EPHA8: variants seen among roughly 807,000 people sequenced by gnomAD.
The protein encoded by EPHA8 is ephrin type-A receptor 8.
Under a neutral mutation model 103.6 loss-of-function variants are expected in EPHA8, and 58 were observed. The ratio of observed to expected loss-of-function variants is 0.56; its 90% CI spans 0.45 to 0.70. The LOEUF is 0.70. Among genes scored for constraint, EPHA8 ranks in the 30% least tolerant of loss-of-function variants. The probability of loss-of-function intolerance (pLI) is 0.00; values close to 1 mark genes in which losing one functional copy is unlikely to be tolerated. For missense variants in EPHA8, 1,304 were observed against 1,395.2 expected, an observed-to-expected ratio of 0.93 and a Z score of 1.04; for synonymous variants, 559 against 572.5, an observed-to-expected ratio of 0.98 and a Z score of 0.34.
rs72875422 is a variant in EPHA8 at position 22,576,983 on chromosome 1, A to G, written c.823+103A>G. 0.1 allele frequency: 135,203 copies of G among 1,321,002 alleles called. 7,157 individuals are homozygous for G. Among genetic ancestry groups the G allele is most frequent in the South Asian group, 0.18 (11,990 of 66,522 alleles). 81.8% of individuals were successfully genotyped at this position (1,321,002 alleles called of 1,614,324 possible). ...GGACGTCAGAGCCCACAGGCACCTG[A>G]GTGACCCACACAGCCCCTGGGAAGA... On this transcript the variant is annotated intron_variant, in intron 3 of 16. Coordinates refer to ENST00000166244, the MANE Select transcript of EPHA8 (RefSeq NM_020526.5). The surrounding 1 kb of genome is among the most constrained non-coding windows in gnomAD (Gnocchi z 4.8).
rs1641555081 is a variant in EPHA8, at chr1:22,597,532, A to G, written c.1930+56A>G. On this transcript the variant is annotated intron_variant, in intron 10 of 16. Transcript: ENST00000166244. This position sits in a 1 kb window ranked among gnomAD's most constrained non-coding sequence, Gnocchi z 4.6. ...AGCATGGGGCAAGGTGGGGGCACCC[A>G]GGGCAAGGTGGGGGCACCCAGGGCA... 1.3e-6 allele frequency: 2 copies of G among 1,585,634 alleles called. No homozygotes were observed. Among genetic ancestry groups the G allele is most frequent in the Non-Finnish European group, 1.7e-6 (2 of 1,164,432 alleles).
At chr1:22,592,739 C>T (rs534738907) in intron 5 of EPHA8, among the ~76,000 whole-genome samples, 41 of 150,256 alleles carry the variant, frequency 2.7e-4, no homozygotes, top group Non-Finnish European at 4.3e-4. Context: ...TTGGCTGTGG[C>T]GTGGCTGTGT....
At position 22,600,937 on chromosome 1, in the gene EPHA8, C is replaced by G. The variant is rs374551936; in HGVS notation, c.2578C>G (p.Pro860Ala). 23 of 1,612,180 alleles carry G rather than the reference C, an allele frequency of 1.4e-5. No homozygotes were observed. In the African/African-American group the frequency reaches 2.7e-4, roughly 19 times the overall value. Residue 860 changes from proline (P) to alanine (A), a missense_variant, in exon 15 of 17, where the codon CCC becomes GCC. Physicochemically the swap from Pro to Ala is conservative, Grantham distance 27. Coordinates refer to ENST00000166244, the MANE Select transcript of EPHA8 (RefSeq NM_020526.5). ...SVEEGYRLPA[P>A]MGCPHALHQL... is the part of the protein sequence containing the mutation. ...GGAGGAGGGGTACCGCCTGCCCGCA[C>G]CCATGGGCTGCCCCCACGCCCTGCA...
rs549537594 is a variant in EPHA8 at position 22,567,692 on chromosome 1, C to A, written c.95-1597C>A. ...CTCACTCCAGCATTTCCTGAGGACA[C>A]TTGTCTCTGTCTTCGAGGGGCAGGC... On this transcript the variant is annotated intron_variant, in intron 1 of 16. Transcript: ENST00000166244. This position sits in a 1 kb window ranked among gnomAD's most constrained non-coding sequence, Gnocchi z 4.2. 6.6e-6 allele frequency among the ~76,000 whole-genome samples: 1 copy of A among 152,330 alleles called. No individual in the cohort carries two copies. Among genetic ancestry groups the A allele is most frequent in the East Asian group, 1.9e-4 (1 of 5,186 alleles).
At chr1:22,572,849 C>T (rs1640581453) in intron 2 of EPHA8, among the ~76,000 whole-genome samples, 1 of 152,196 alleles carries the variant, frequency 6.6e-6, no homozygotes, top group African/African-American at 2.4e-5. Flanking sequence ...AGGCAGAGAA[C>T]AGGGCTGATT....
chr1:22,603,369 CT>C lies in EPHA8; in HGVS notation c.*1629del, dbSNP rs1015300460. On this transcript the variant is annotated 3_prime_UTR_variant, in exon 17 of 17. Coordinates refer to ENST00000166244, the MANE Select transcript of EPHA8 (RefSeq NM_020526.5). Reference sequence around the variant, plus strand: ...GTCGGAAACATGGTCAGAACACGATCTGGGGGGGGGATCCTGTCTTCCTCCC... The same window carrying C: ...GTCGGAAACATGGTCAGAACACGATCGGGGGGGGGATCCTGTCTTCCTCCC... 2.0e-4 allele frequency: 30 copies of C among 149,358 alleles called. No individual in the cohort carries two copies. Among genetic ancestry groups the C allele is most frequent in the African/African-American group, 6.8e-4 (28 of 40,992 alleles). 9.3% of individuals were successfully genotyped at this position (149,358 alleles called of 1,614,324 possible).
At chr1:22,568,488 A>C (rs1640431882) in intron 1 of EPHA8, among the ~76,000 whole-genome samples, 1 of 152,156 alleles carries the variant, frequency 6.6e-6, no homozygotes, top group South Asian at 2.1e-4. Flanking sequence ...CGCCAGCTAC[A>C]CCTGTGGGGC....
At position 22,593,376 on chromosome 1, in the gene EPHA8, G is replaced by A. The variant is rs374046323; in HGVS notation, c.1366G>A (p.Val456Ile). The change falls in exon 6 of 17, where the codon GTC (valine) becomes ATC (isoleucine). Residue 456 changes from valine to isoleucine, a missense_variant. Coordinates refer to ENST00000166244, the MANE Select transcript of EPHA8 (RefSeq NM_020526.5). ...IRQERAGQTS[V>I]SLLWQEPEQP... The stretch of plus-strand genomic sequence containing the variant: ...TCAAGAGCGGGCGGGGCAGACCAGC[G>A]TCTCGCTGCTGTGGCAGGAGCCCGA... 96 of 1,592,338 alleles carry A rather than the reference G, an allele frequency of 6.0e-5. No individual in the cohort carries two copies. The highest frequency in any genetic ancestry group is 3.1e-4 in the South Asian group (27 of 87,848).
intron 13 of EPHA8, among the ~76,000 whole-genome samples, chr1:22,599,564 CAAAA>C (rs900926721): frequency 1.7e-5 from 2 of 119,482 alleles, no homozygotes; most frequent in Admixed American, 2.1e-4. Context: ...CCTGTGACAA[CAAAA>C]GAAAGAAGGA....
intron 3 of EPHA8, among the ~76,000 whole-genome samples, chr1:22,578,801 G>C (rs1305856101): frequency 6.6e-6 from 1 of 151,782 alleles, no homozygotes; most frequent in Non-Finnish European, 1.5e-5. Flanking sequence ...ATGTGTGCGT[G>C]TGTGCATGTA....
intron 13 of EPHA8, among the ~76,000 whole-genome samples, chr1:22,599,273 C>T (rs1428906744): frequency 6.6e-6 from 1 of 152,170 alleles, no homozygotes; most frequent in Non-Finnish European, 1.5e-5. Flanking sequence ...AGGGGAGACC[C>T]CAGGGCTGGT....
Position 22,599,006 on chromosome 1 carries a change from C to A in EPHA8, c.2347C>A (p.Arg783=). 1 of 1,611,436 alleles carries A rather than the reference C, an allele frequency of 6.2e-7. No individual in the cohort carries two copies. Residue 783 remains arginine (R), a synonymous_variant, in exon 13 of 17, where the codon CGG becomes AGG. Coordinates refer to ENST00000166244, the MANE Select transcript of EPHA8 (RefSeq NM_020526.5). ...CAAGGTGTCTGACTTCGGGCTCTCA[C>A]GGGTGCTGGAGGACGACCCGGATGC... The part of the protein sequence containing the change: ...VCKVSDFGLS[R]VLEDDPDAAY...
Position 22,601,677 on chromosome 1 carries a change from T to C in EPHA8, c.2954T>C (p.Leu985Pro), listed in dbSNP as rs760037386. The C allele has an allele frequency of 6.3e-7, 1 of 1,593,190 alleles. No homozygotes were observed. Among genetic ancestry groups the C allele is most frequent in the African/African-American group, 1.3e-5 (1 of 74,348 alleles). Residue 985 changes from leucine to proline, a missense_variant, in exon 17 of 17, where the codon CTG becomes CCG. Coordinates refer to ENST00000166244, the MANE Select transcript of EPHA8 (RefSeq NM_020526.5). The part of the protein sequence containing the change: ...ITLMGHQKKI[L>P]GSIQTMRAQL... ...CTCATGGGCCACCAGAAGAAGATCCTGGGCAGCATTCAGACCATGCGGGCC... is the reference window on the plus strand; with the variant it reads ...CTCATGGGCCACCAGAAGAAGATCCCGGGCAGCATTCAGACCATGCGGGCC...
chr1:22,565,956 C>T (rs928979500), intron 1 of EPHA8, among the ~76,000 whole-genome samples: 1 of 152,200 alleles, frequency 6.6e-6, no homozygotes, highest in Non-Finnish European at 1.5e-5. Flanking sequence ...GGAGTCCTCC[C>T]CAGCACTGTC....
intron 5 of EPHA8, among the ~76,000 whole-genome samples, chr1:22,590,810 A>G (rs1042691449): frequency 1.3e-5 from 2 of 152,064 alleles, no homozygotes; most frequent in Non-Finnish European, 2.9e-5. Flanking sequence ...CCTCTCCCCT[A>G]GGACCCAGCT....
Position 22,598,208 on chromosome 1 carries a change from T to C in EPHA8, c.2174T>C (p.Leu725Pro), listed in dbSNP as rs1641577823. The change falls in exon 12 of 17, where the codon CTG becomes CCG. Residue 725 changes from leucine to proline, a missense_variant. Physicochemically the swap from Leu to Pro is moderately conservative, Grantham distance 98. Transcript: ENST00000166244. This position sits in a 1 kb window ranked among gnomAD's most constrained non-coding sequence, Gnocchi z 5.1. ...GAGAACGGCTCTCTGGACACCTTCCTGAGGGTGCGTGTCCCACCCCTGCCT... is the reference window on the plus strand; with the variant it reads ...GAGAACGGCTCTCTGGACACCTTCCCGAGGGTGCGTGTCCCACCCCTGCCT... ...YMENGSLDTFLRTHDGQFTIM... is the reference protein window; with the variant it reads ...YMENGSLDTFPRTHDGQFTIM... The C allele has an allele frequency of 6.2e-7, 1 of 1,612,906 alleles. No homozygotes were observed. The highest frequency in any genetic ancestry group is 8.5e-7 in the Non-Finnish European group (1 of 1,179,774).
chr1:22,585,056 C>CGCGTGCGT (rs1641164018), intron 3 of EPHA8, among the ~76,000 whole-genome samples: 1 of 86,636 alleles, frequency 1.2e-5, no homozygotes, highest in African/African-American at 7.4e-5. Context: ...TGTGTGCGCA[C>CGCGTGCGT]GCGTGTGTCT....
At chr1:22,565,434 T>C (rs377108412) in intron 1 of EPHA8, among the ~76,000 whole-genome samples, 108 of 152,066 alleles carry the variant, frequency 7.1e-4, no homozygotes, top group African/African-American at 2.5e-3. Flanking sequence ...GGGGCAAGAT[T>C]GGAATCTAAG....
chr1:22,567,266 G>A lies in EPHA8; in HGVS notation c.95-2023G>A, dbSNP rs1037508927. Among the ~76,000 whole-genome samples the A allele has an allele frequency of 3.4e-5, 5 of 148,852 alleles. No homozygotes were observed. The highest frequency in any genetic ancestry group is 1.3e-4 in the African/African-American group (5 of 38,348). On this transcript the variant is annotated intron_variant, in intron 1 of 16. Transcript: ENST00000166244. The surrounding 1 kb of genome is among the most constrained non-coding windows in gnomAD (Gnocchi z 4.2). ...CGGGGTGGGGCGGGGGGACCCATAC[G>A]TGTGTGTCCTTCCCTCACCATCTCC...
Sources: allele counts gnomAD v4.1 joint callset (sites outside exome capture counted in the v4.1 genomes callset), GRCh38; gene constraint gnomAD v4.1.1; non-coding constraint Gnocchi (gnomAD v3.1); transcripts MANE v1.5; gene names NCBI Gene and HGNC (gene_info 2026-07-23, HGNC 2026-07-21).